AKNA: variants seen among roughly 807,000 people sequenced by gnomAD.
AKNA encodes the protein microtubule organization protein AKNA.
A neutral mutation model predicts 138.8 loss-of-function variants in AKNA; 67 were observed. The ratio of observed to expected loss-of-function variants is 0.48; its 90% confidence interval spans 0.40 to 0.59. The LOEUF (loss-of-function observed/expected upper bound fraction) is 0.59, where lower values mean the gene tolerates loss of function less well. AKNA is among the 20% of genes least tolerant of loss of function. AKNA has a pLI of 0.00. For synonymous variants in AKNA, 737 were observed against 754.4 expected, an observed-to-expected ratio of 0.98 and a Z score of 0.38; for missense variants, 1,813 against 1,880.4, an observed-to-expected ratio of 0.96 and a Z score of 0.66.
At position 114,336,552 on chromosome 9, in the gene AKNA, C is replaced by T. The variant is rs574753008; in HGVS notation, c.*502G>A. The T allele has an allele frequency of 3.2e-5, 5 of 154,052 alleles. No individual in the cohort carries two copies. Among genetic ancestry groups the T allele is most frequent in the African/African-American group, 1.2e-4 (5 of 41,686 alleles). 9.5% of individuals were successfully genotyped at this position (154,052 alleles called of 1,614,324 possible). ...AAAATGCCCCACTGACTACCAGTCACTAGGAGAAAGGTCTCCGGCTATGCC... is the reference window on the plus strand; with the variant it reads ...AAAATGCCCCACTGACTACCAGTCATTAGGAGAAAGGTCTCCGGCTATGCC... On this transcript the variant is annotated 3_prime_UTR_variant, in exon 22 of 22. Coordinates refer to ENST00000374088, the MANE Select transcript of AKNA (RefSeq NM_001317950.2).
intron 14 of AKNA, among the ~76,000 whole-genome samples, chr9:114,354,661 C>T (rs1410846191): frequency 1.4e-5 from 2 of 144,696 alleles, no homozygotes; most frequent in African/African-American, 5.2e-5. Context: ...TGCAGTGAGC[C>T]GAGATTGTGC....
upstream of AKNA, among the ~76,000 whole-genome samples, chr9:114,396,230 G>A (rs900330366): frequency 3.3e-5 from 5 of 152,114 alleles, no homozygotes; most frequent in East Asian, 1.9e-4. Flanking sequence ...CTAGAATGTC[G>A]CACTCAATAA....
At chr9:114,397,218 G>A (rs1834561434), upstream of AKNA, among the ~76,000 whole-genome samples, 1 of 152,186 alleles carries the variant, frequency 6.6e-6, no homozygotes, top group Non-Finnish European at 1.5e-5. Flanking sequence ...AAACACCATA[G>A]GTTCCGCTCC....
At chr9:114,368,123 A>T (rs1317788833) in intron 5 of AKNA, 11 of 316,388 alleles carry the variant, frequency 3.5e-5, no homozygotes, top group Non-Finnish European at 6.4e-5. Flanking sequence ...AAGTGAGGTC[A>T]CATGTGTCAA....
At chr9:114,389,358 T>A (rs1834246097), upstream of AKNA, among the ~76,000 whole-genome samples, 1 of 152,138 alleles carries the variant, frequency 6.6e-6, no homozygotes, top group Admixed American at 6.5e-5. Flanking sequence ...AACAGGCCTC[T>A]GTATTGTCCA....
chr9:114,358,784 A>C (rs1831695492), intron 11 of AKNA, among the ~76,000 whole-genome samples: 1 of 145,566 alleles, frequency 6.9e-6, no homozygotes, highest in South Asian at 2.4e-4. Flanking sequence ...TGAACAATGA[A>C]AACAAATGGA....
At chr9:114,347,608 T>G in intron 16 of AKNA, 116 bp downstream of exon 16, 37 of 1,052,328 alleles carry the variant, frequency 3.5e-5, no homozygotes, top group Non-Finnish European at 4.6e-5. Context: ...AATGAATGAG[T>G]GAGAGAGGGA....
chr9:114,374,403 A>G (rs1833017566), intron 3 of AKNA, among the ~76,000 whole-genome samples: 1 of 152,208 alleles, frequency 6.6e-6, no homozygotes, highest in South Asian at 2.1e-4. Flanking sequence ...CCCCATGACA[A>G]CGGGTCTAGA....
At chr9:114,392,402 G>A (rs1834380984), upstream of AKNA, among the ~76,000 whole-genome samples, 1 of 152,250 alleles carries the variant, frequency 6.6e-6, no homozygotes, top group Admixed American at 6.5e-5. Flanking sequence ...CAGAGCACAG[G>A]TGTTAAGGCA....
In AKNA at chr9:114,359,965, T is replaced by C. The variant is rs1831815861; in HGVS notation, c.2222A>G (p.Gln741Arg). The change falls in exon 10 of 22, where the codon CAG becomes CGG. Residue 741 changes from glutamine (Q) to arginine (R), a missense_variant. Transcript: ENST00000374088. Reference protein sequence around the residue: ...SGNSEVEDRPQDPLARLRHKE... With the variant: ...SGNSEVEDRPRDPLARLRHKE... ...GTGCCTGAGTCGGGCCAGGGGGTCC[T>C]GTGGCCTGTCCTCCACCTCACTGTT... 6.2e-7 allele frequency: 1 copy of C among 1,614,228 alleles called. No individual in the cohort carries two copies.
At chr9:114,333,174 A>G, downstream of AKNA, 3 of 1,413,660 alleles carry the variant, frequency 2.1e-6, no homozygotes, top group Non-Finnish European at 2.9e-6. Context: ...CTTGGGGGCC[A>G]TCCTGCCCCT....
intron 1 of AKNA, among the ~76,000 whole-genome samples, chr9:114,386,082 C>T (rs1421947534): frequency 1.3e-5 from 2 of 152,174 alleles, no homozygotes; most frequent in Admixed American, 1.3e-4. Flanking sequence ...CTAAGGGCAA[C>T]AGCCTCAGAA....
chr9:114,362,301 T>C, intron 8 of AKNA, 105 bp downstream of exon 8: 2 of 1,418,634 alleles, frequency 1.4e-6, no homozygotes, highest in Non-Finnish European at 1.9e-6. Context: ...TTCTCTCTAT[T>C]CCCCGTGTAC....
At chr9:114,341,909 T>C in intron 20 of AKNA, 100 bp downstream of exon 20, 1 of 1,364,326 alleles carries the variant, frequency 7.3e-7, no homozygotes, top group Non-Finnish European at 1.0e-6. Context: ...TGTCCCAGAC[T>C]GGAACAACAG....
intron 5 of AKNA, chr9:114,368,151 G>T (rs966943455): frequency 5.8e-6 from 2 of 346,046 alleles, no homozygotes; most frequent in Non-Finnish European, 1.0e-5. Context: ...CACAGGGCCT[G>T]GCTGAGATAT....
chr9:114,342,506 C>T (rs749669276), intron 19 of AKNA, among the ~76,000 whole-genome samples: 1 of 151,148 alleles, frequency 6.6e-6, no homozygotes, highest in Non-Finnish European at 1.5e-5. Context: ...TGCAGCCCAA[C>T]CCCCCGCCCC....
intron 1 of AKNA, among the ~76,000 whole-genome samples, chr9:114,385,225 GAAA>G (rs1833946296): frequency 6.6e-6 from 1 of 152,162 alleles, no homozygotes; most frequent in Admixed American, 6.5e-5. Flanking sequence ...ACCCTTCTTG[GAAA>G]TCCCTGCCAG....
chr9:114,397,665 C>A (rs1370963237), upstream of AKNA, among the ~76,000 whole-genome samples: 1 of 152,240 alleles, frequency 6.6e-6, no homozygotes, highest in Non-Finnish European at 1.5e-5. Context: ...CCTGTGCCAG[C>A]CCCATCACAC....
At chr9:114,365,208 T>A (rs1280423541) in intron 6 of AKNA, among the ~76,000 whole-genome samples, 2 of 152,192 alleles carry the variant, frequency 1.3e-5, no homozygotes, top group African/African-American at 4.8e-5. Context: ...AAGACAGGAA[T>A]GAGAAGTAGA....
Sources: gnomAD v4.1 joint callset for allele counts (sites outside exome capture counted in the v4.1 genomes callset) on GRCh38, gnomAD v4.1.1 for gene constraint, MANE v1.5 for transcripts, NCBI Gene and HGNC (gene_info 2026-07-23, HGNC 2026-07-21) for gene names.